Variants in EFCAB12 observed in about 807,000 individuals in gnomAD.
EFCAB12 encodes the protein EF-hand calcium-binding domain-containing protein 12.
Under a neutral mutation model 53.6 loss-of-function variants are expected in EFCAB12, and 43 were observed. The ratio of observed to expected loss-of-function variants is 0.80; its 90% confidence interval spans 0.63 to 1.03. The LOEUF (loss-of-function observed/expected upper bound fraction) is 1.03, where lower values mean the gene tolerates loss of function less well. Ranked by LOEUF, EFCAB12 falls within the 50% of genes least tolerant of loss-of-function variation. The pLI, the probability that EFCAB12 is intolerant of heterozygous loss-of-function variation, is 0.00. For synonymous variants in EFCAB12, 269 were observed against 289.2 expected, an observed-to-expected ratio of 0.93 and a Z score of 0.71; for missense variants, 646 against 730.6, an observed-to-expected ratio of 0.88 and a Z score of 1.34.
intron 1 of EFCAB12, among the ~76,000 whole-genome samples, chr3:129,426,216 T>C (rs1242589092): frequency 6.6e-6 from 1 of 152,090 alleles, no homozygotes; most frequent in East Asian, 1.9e-4. Context: ...TTTTAAATAA[T>C]CCCTTCCATT....
chr3:129,408,634 G>C lies in EFCAB12; in HGVS notation c.1249+11C>G, dbSNP rs745957735. On this transcript the variant is annotated intron_variant, in intron 6 of 8. Transcript: ENST00000505956. ...TGGCATCTTCCTAGGGCCAGCTACC[G>C]AGGCCCTTACCTTTCATGAGGATGT... The C allele has an allele frequency of 1.9e-6, 3 of 1,558,372 alleles. No individual in the cohort carries two copies. The South Asian group carries it at 3.5e-5, about 18-fold the overall frequency.
In EFCAB12 at chr3:129,415,236, G is replaced by T. The variant is rs752241482; in HGVS notation, c.838+9C>A. The T allele has an allele frequency of 6.3e-7, 1 of 1,596,870 alleles. No homozygotes were observed. The highest frequency in any genetic ancestry group is 8.5e-7 in the Non-Finnish European group (1 of 1,172,940). On this transcript the variant is annotated intron_variant, in intron 4 of 8. Transcript: ENST00000505956. ...GAGGTGGAGGCACAGGATGGGGAGG[G>T]GTACGCACGCTCCCTTGCAGTGGCC...
intron 5 of EFCAB12, 118 bp from the exon 6 acceptor site, chr3:129,408,976 G>A: frequency 8.9e-7 from 1 of 1,126,210 alleles, no homozygotes; most frequent in Non-Finnish European, 1.3e-6. Flanking sequence ...CATGAGGGGT[G>A]ATGGCAACCA....
chr3:129,421,686 C>A lies in EFCAB12; in HGVS notation c.167G>T (p.Arg56Leu). Residue 56 changes from arginine (R) to leucine (L), a missense_variant, in exon 2 of 9, where the codon CGC (arginine) becomes CTC (leucine). Coordinates refer to ENST00000505956, the MANE Select transcript of EFCAB12 (RefSeq NM_207307.3). ...QQKDFRLPQT[R>L]RRIIMVPRKE... ...GCGAGGCACCATGATGATTCGCCGG[C>A]GGGTCTGAGGCAGGCGGAAGTCCTT... The A allele has an allele frequency of 1.2e-6, 2 of 1,613,774 alleles. No individual in the cohort carries two copies. Among genetic ancestry groups the A allele is most frequent in the Non-Finnish European group, 1.7e-6 (2 of 1,179,862 alleles).
At chr3:129,414,771 A>G (rs2072091569) in intron 4 of EFCAB12, 1 of 152,582 alleles carries the variant, frequency 6.6e-6, no homozygotes, top group African/African-American at 2.4e-5. Flanking sequence ...ACAACTGTTG[A>G]CAGCAACCCT....
intron 1 of EFCAB12, among the ~76,000 whole-genome samples, chr3:129,424,447 C>G (rs1577053462): frequency 6.6e-6 from 1 of 152,200 alleles, no homozygotes; most frequent in Non-Finnish European, 1.5e-5. Flanking sequence ...CCTGCTCTCA[C>G]TTCCTCCTTC....
In EFCAB12 at chr3:129,411,351, T is replaced by C. The variant is rs770233741; in HGVS notation, c.842A>G (p.Tyr281Cys). ...RSSLATAREH[Y>C]ILAKHRDSLK... ...GGAATCTCTGTGCTTGGCCAAGATA[T>C]AATCTGGAGTCAGAGGGAAGAGATG... The change falls in exon 5 of 9, where the codon TAT becomes TGT. Residue 281 changes from tyrosine (Y) to cysteine (C), a missense_variant. By Grantham distance (194) the Tyr-to-Cys change is radical (BLOSUM62 -2). Transcript: ENST00000505956. The C allele has an allele frequency of 2.6e-6, 4 of 1,567,180 alleles. No individual in the cohort carries two copies. Among genetic ancestry groups the C allele is most frequent in the South Asian group, 2.4e-5 (2 of 84,904 alleles).
intron 5 of EFCAB12, among the ~76,000 whole-genome samples, chr3:129,410,022 T>A (rs2072014500): frequency 6.6e-6 from 1 of 151,920 alleles, no homozygotes; most frequent in African/African-American, 2.4e-5. Flanking sequence ...TTATTTTTTT[T>A]TTTAGAGACA....
In EFCAB12 at chr3:129,421,573, C is replaced by T. The variant is rs755755799; in HGVS notation, c.280G>A (p.Asp94Asn). ...IPSFKVLEAR[D>N]IQEQPEDRKT... ...CTGTCCTCTGGCTGCTCTTGGATAT[C>T]TCTAGCTTCCAGAACTTTGAAGCTG... is the stretch of plus-strand genomic sequence containing the variant. The change falls in exon 2 of 9, where the codon GAT becomes AAT. Residue 94 changes from aspartate (D) to asparagine (N), a missense_variant. Physicochemically the swap from Asp to Asn is conservative, Grantham distance 23. Coordinates refer to ENST00000505956, the MANE Select transcript of EFCAB12 (RefSeq NM_207307.3). The T allele has an allele frequency of 1.9e-6, 3 of 1,614,000 alleles. No homozygotes were observed. The highest frequency in any genetic ancestry group is 2.5e-6 in the Non-Finnish European group (3 of 1,179,878).
Position 129,417,650 on chromosome 3 carries a change from T to C in EFCAB12, c.681+604A>G, listed in dbSNP as rs145451319. 1.9e-3 allele frequency among the ~76,000 whole-genome samples: 287 copies of C among 152,334 alleles called. 1 individual carries two copies. The highest frequency in any genetic ancestry group is 6.5e-3 in the African/African-American group (269 of 41,568). ...CATCTGTGCAGTCCAGTAGAGGAGC[T>C]ACTTGCCACATGTGACTACTGAGCA... On this transcript the variant is annotated intron_variant, in intron 3 of 8. Transcript: ENST00000505956.
chr3:129,426,368 T>TG (rs1261057867), intron 1 of EFCAB12, among the ~76,000 whole-genome samples: 21 of 133,614 alleles, frequency 1.6e-4, no homozygotes, highest in East Asian at 8.3e-4. Flanking sequence ...TGTTTTTTTT[T>TG]TTTTTTTTTT....
At chr3:129,418,506 G>A (rs1269210573) in intron 2 of EFCAB12, 58 bp from the exon 3 acceptor site, 1 of 1,471,400 alleles carries the variant, frequency 6.8e-7, no homozygotes, top group African/African-American at 1.4e-5. Context: ...AGGCCAGGCG[G>A]ATGCAGTCCC....
chr3:129,421,943 C>T (rs779183471), intron 1 of EFCAB12, 140 bp from the exon 2 acceptor site: 127 of 888,028 alleles, frequency 1.4e-4, no homozygotes, highest in Non-Finnish European at 2.1e-4. Flanking sequence ...TTGCTGTAAT[C>T]GTAAGGATAA....
chr3:129,404,671 A>G (rs982997613), intron 6 of EFCAB12, among the ~76,000 whole-genome samples: 2 of 152,002 alleles, frequency 1.3e-5, no homozygotes, highest in African/African-American at 4.8e-5. Context: ...GCCTTGGGAC[A>G]ATATGGCTCA....
chr3:129,420,591 C>T (rs911252800), intron 2 of EFCAB12, among the ~76,000 whole-genome samples: 1 of 152,216 alleles, frequency 6.6e-6, no homozygotes, highest in African/African-American at 2.4e-5. Context: ...TAGCTTGCTA[C>T]ATGGAACCCT....
chr3:129,410,009 T>A (rs116873166), intron 5 of EFCAB12, among the ~76,000 whole-genome samples: 9,312 of 151,592 alleles, frequency 0.061, 900 homozygotes, highest in East Asian at 0.43. Flanking sequence ...TGTGTTTATT[T>A]ATTTATTTTT....
chr3:129,403,045 C>T (rs955178713), intron 7 of EFCAB12: 3 of 162,286 alleles, frequency 1.8e-5, no homozygotes, highest in Admixed American at 1.7e-4. Context: ...TCACGGCACT[C>T]TTTCCCACCC....
chr3:129,401,761 G>A lies in EFCAB12; in HGVS notation c.1551C>T (p.Tyr517=). The A allele has an allele frequency of 6.2e-7, 1 of 1,609,308 alleles. No individual in the cohort carries two copies. Among genetic ancestry groups the A allele is most frequent in the Non-Finnish European group, 8.5e-7 (1 of 1,177,704 alleles). Residue 517 remains tyrosine, a synonymous_variant, in exon 9 of 9, where the codon TAC becomes TAT. Transcript: ENST00000505956. ...TCCGGTCTGTGGCCACAGTGGGCAG[G>A]TAGAGCTGCAGCTTATCCAGAAGAT... ...PGHLLDKLQL[Y]LPTVATDRSL...
chr3:129,416,269 T>C (rs1285882998), intron 3 of EFCAB12, among the ~76,000 whole-genome samples: 1 of 151,972 alleles, frequency 6.6e-6, no homozygotes, highest in Non-Finnish European at 1.5e-5. Context: ...AAACACAAAA[T>C]TAGCCAGGCA....
Sources: gnomAD v4.1 joint callset for allele counts (sites outside exome capture counted in the v4.1 genomes callset) on GRCh38, gnomAD v4.1.1 for gene constraint, MANE v1.5 for transcripts, NCBI Gene and HGNC (gene_info 2026-07-23, HGNC 2026-07-21) for gene names.